The following RBMS3 variants were observed in gnomAD, a reference collection of about 807,000 sequenced individuals.
RBMS3 encodes RNA-binding motif, single-stranded-interacting protein 3.
Under a neutral mutation model 66.8 loss-of-function variants are expected in RBMS3, and 27 were observed. That is an observed-to-expected ratio of 0.40 (90% CI 0.30 to 0.56). The LOEUF is 0.56. Among genes scored for constraint, RBMS3 ranks in the 20% least tolerant of loss-of-function variants. RBMS3 has a pLI of 0.40. For missense variants in RBMS3, 513 were observed against 549.5 expected, an observed-to-expected ratio of 0.93 and a Z score of 0.66; for synonymous variants, 188 against 183.0, an observed-to-expected ratio of 1.03 and a Z score of -0.22.
At chr3:29,545,468 A>G (rs1304814770) in intron 3 of RBMS3, among the ~76,000 whole-genome samples, 4 of 152,302 alleles carry the variant, frequency 2.6e-5, no homozygotes, top group African/African-American at 9.6e-5. Context: ...ATAAAATCCT[A>G]AAAATCTCAT....
intron 1 of RBMS3, among the ~76,000 whole-genome samples, chr3:29,316,959 A>C (rs1452558005): frequency 2.6e-5 from 4 of 151,606 alleles, no homozygotes; most frequent in Non-Finnish European, 3.0e-5. Flanking sequence ...CCAGCATAAA[A>C]TTTTTCTGAA....
chr3:29,985,705 G>A (rs1698339301), intron 12 of RBMS3, among the ~76,000 whole-genome samples: 1 of 152,090 alleles, frequency 6.6e-6, no homozygotes. Context: ...CCAATGAGAT[G>A]AGCCAGGTAC....
intron 10 of RBMS3, chr3:29,903,151 A>C (rs2060295886): frequency 6.6e-6 from 1 of 151,972 alleles, no homozygotes; most frequent in Non-Finnish European, 1.5e-5. Context: ...CTCTGGGAAG[A>C]AAGGATAGAT....
At chr3:29,315,683 A>G (rs1196210966) in intron 1 of RBMS3, among the ~76,000 whole-genome samples, 1 of 151,786 alleles carries the variant, frequency 6.6e-6, no homozygotes, top group Non-Finnish European at 1.5e-5. Flanking sequence ...GGTAAATACT[A>G]AGATTGTTTC....
At chr3:29,780,390 T>G (rs571339588) in intron 6 of RBMS3, among the ~76,000 whole-genome samples, 1 of 152,200 alleles carries the variant, frequency 6.6e-6, no homozygotes, top group South Asian at 2.1e-4. Flanking sequence ...ATTAAACATT[T>G]GTCCATTGCA....
intron 12 of RBMS3, among the ~76,000 whole-genome samples, chr3:29,983,251 T>TG (rs1559860988): frequency 1.3e-5 from 2 of 149,020 alleles, no homozygotes; most frequent in African/African-American, 4.9e-5. Context: ...TTTTTTTTTT[T>TG]GCTTTCTATT....
intron 3 of RBMS3, among the ~76,000 whole-genome samples, chr3:29,576,114 C>G (rs908829561): frequency 1.3e-5 from 2 of 152,012 alleles, no homozygotes; most frequent in Non-Finnish European, 2.9e-5. Context: ...TTGTTGTGTT[C>G]ATGGTTTGGG....
At chr3:29,319,199 T>C (rs981098410) in intron 1 of RBMS3, among the ~76,000 whole-genome samples, 2 of 151,958 alleles carry the variant, frequency 1.3e-5, no homozygotes, top group African/African-American at 4.8e-5. Flanking sequence ...ACCTTTCTCA[T>C]TTAATAGCAT....
At chr3:29,397,133 C>A (rs1197586103) in intron 1 of RBMS3, among the ~76,000 whole-genome samples, 3 of 152,098 alleles carry the variant, frequency 2.0e-5, no homozygotes, top group Non-Finnish European at 4.4e-5. Flanking sequence ...AAAGGGAGAA[C>A]TGCAGATAGA....
At chr3:29,849,444 G>A (rs1369844018) in intron 6 of RBMS3, among the ~76,000 whole-genome samples, 1 of 150,160 alleles carries the variant, frequency 6.7e-6, no homozygotes, top group Non-Finnish European at 1.5e-5. Flanking sequence ...AACTTGGGAG[G>A]CGGAGGTTGC....
intron 4 of RBMS3, chr3:29,698,286 C>T: frequency 1.0e-6 from 1 of 985,308 alleles, no homozygotes; most frequent in Non-Finnish European, 1.2e-6. Context: ...AAATGTAGTC[C>T]CTGGTGAGGG....
chr3:29,539,442 G>A (rs2045682510), intron 3 of RBMS3, among the ~76,000 whole-genome samples: 1 of 152,110 alleles, frequency 6.6e-6, no homozygotes, highest in Admixed American at 6.5e-5. Context: ...TTGTGCATTT[G>A]GTTATTTGGA....
chr3:29,908,250 C>CA (rs774960457), intron 10 of RBMS3, among the ~76,000 whole-genome samples: 193 of 138,360 alleles, frequency 1.4e-3, no homozygotes, highest in East Asian at 3.5e-3. Flanking sequence ...GACCTTGTCT[C>CA]AAAAAAAAAA....
intron 1 of RBMS3, among the ~76,000 whole-genome samples, chr3:29,288,919 T>G (rs1241959859): frequency 6.6e-6 from 1 of 151,976 alleles, no homozygotes; most frequent in Non-Finnish European, 1.5e-5. Context: ...TTCTACTTTT[T>G]CTTTTGAGAT....
intron 1 of RBMS3, among the ~76,000 whole-genome samples, chr3:29,418,056 A>G (rs377691010): frequency 6.0e-4 from 92 of 152,272 alleles, no homozygotes; most frequent in African/African-American, 2.2e-3. Flanking sequence ...TGGGTCTTCA[A>G]TAAAAAATAA....
intron 6 of RBMS3, among the ~76,000 whole-genome samples, chr3:29,849,145 C>T (rs1234933931): frequency 6.6e-6 from 1 of 151,146 alleles, no homozygotes; most frequent in African/African-American, 2.4e-5. Flanking sequence ...TACAAATACA[C>T]CACTCCTCCC....
chr3:29,727,250 A>G (rs2053924081), intron 4 of RBMS3, among the ~76,000 whole-genome samples: 1 of 152,220 alleles, frequency 6.6e-6, no homozygotes. Flanking sequence ...TAAAACCCCA[A>G]GTCATAAAAA....
intron 6 of RBMS3, among the ~76,000 whole-genome samples, chr3:29,788,177 C>T (rs2056885701): frequency 1.4e-5 from 2 of 148,102 alleles, no homozygotes; most frequent in Admixed American, 6.7e-5. Flanking sequence ...CTTTTTTTTT[C>T]ACTTAGCAAT....
At chr3:29,686,357 T>C (rs190121043) in intron 4 of RBMS3, among the ~76,000 whole-genome samples, 9 of 152,304 alleles carry the variant, frequency 5.9e-5, no homozygotes, top group Admixed American at 5.2e-4. Context: ...TATTCATTGT[T>C]TGATAGCATA....
Sources: allele counts gnomAD v4.1 joint callset (sites outside exome capture counted in the v4.1 genomes callset), GRCh38; gene constraint gnomAD v4.1.1; transcripts MANE v1.5; gene names NCBI Gene and HGNC (gene_info 2026-07-23, HGNC 2026-07-21).